ING3: variants seen among roughly 807,000 people sequenced by gnomAD.
ING3 encodes the protein inhibitor of growth protein 3.
Under a neutral mutation model 64.8 loss-of-function variants are expected in ING3, and 6 were observed. That is an observed-to-expected ratio of 0.09 (90% CI 0.05 to 0.18). ING3 has a LOEUF of 0.18. Among genes scored for constraint, ING3 ranks in the 10% least tolerant of loss-of-function variants. The pLI is 1.00. For synonymous variants in ING3, 170 were observed against 173.7 expected, an observed-to-expected ratio of 0.98 and a Z score of 0.17; for missense variants, 310 against 489.7, an observed-to-expected ratio of 0.63 and a Z score of 3.46.
intron 10 of ING3, among the ~76,000 whole-genome samples, chr7:120,971,347 T>C (rs1230311466): frequency 1.3e-5 from 2 of 152,092 alleles, no homozygotes; most frequent in Admixed American, 6.5e-5. Context: ...TCTTTTCTTA[T>C]AAGGGCACCA....
At chr7:120,970,337 C>T (rs760298199) in intron 9 of ING3, among the ~76,000 whole-genome samples, 114 of 151,664 alleles carry the variant, frequency 7.5e-4, no homozygotes, top group Non-Finnish European at 1.3e-3. Flanking sequence ...TGGTGGCGGG[C>T]GCCTGTAGTC....
At chr7:120,956,400 A>G (rs1774350722) in intron 4 of ING3, 2 of 1,291,692 alleles carry the variant, frequency 1.5e-6, no homozygotes, top group East Asian at 3.5e-5. Context: ...GTACAGATTT[A>G]TTACTGAACA....
At chr7:120,973,979 A>C (rs1465438282) in intron 11 of ING3, among the ~76,000 whole-genome samples, 1 of 152,208 alleles carries the variant, frequency 6.6e-6, no homozygotes, top group Non-Finnish European at 1.5e-5. Flanking sequence ...TTACAGCAAC[A>C]TGCTCACGTA....
At chr7:120,966,014 A>G (rs1795992188) in intron 5 of ING3, among the ~76,000 whole-genome samples, 2 of 152,186 alleles carry the variant, frequency 1.3e-5, no homozygotes, top group African/African-American at 2.4e-5. Context: ...GGATCAAGTT[A>G]TAAAAACTGC....
intron 10 of ING3, 130 bp from the exon 11 acceptor site, chr7:120,973,075 G>T: frequency 1.0e-4 from 37 of 361,110 alleles, no homozygotes; most frequent in East Asian, 8.1e-4. Flanking sequence ...ATTATACCTT[G>T]ATTCTCAATG....
At chr7:120,970,941 T>TTC in intron 10 of ING3, 61 bp downstream of exon 10, 1 of 1,406,212 alleles carries the variant, frequency 7.1e-7, no homozygotes. Flanking sequence ...AGAGAACTAT[T>TTC]TCATTTTTAA....
intron 6 of ING3, 91 bp downstream of exon 6, chr7:120,966,788 A>G: frequency 1.1e-6 from 1 of 906,422 alleles, no homozygotes; most frequent in Non-Finnish European, 1.8e-6. Context: ...CTACACAACC[A>G]ATTGAGAAAT....
At chr7:120,973,310 C>A in intron 11 of ING3, 67 bp downstream of exon 11, 1 of 1,053,304 alleles carries the variant, frequency 9.5e-7, no homozygotes, top group South Asian at 1.3e-5. Context: ...GAATATTTGT[C>A]TTATTTGCTG....
intron 4 of ING3, among the ~76,000 whole-genome samples, chr7:120,963,261 T>C (rs1232926417): frequency 1.3e-5 from 2 of 152,110 alleles, no homozygotes; most frequent in African/African-American, 4.8e-5. Flanking sequence ...GTTATAGGTT[T>C]TTAAATATTC....
At chr7:120,958,213 T>A (rs1340376033) in intron 4 of ING3, among the ~76,000 whole-genome samples, 5 of 152,136 alleles carry the variant, frequency 3.3e-5, no homozygotes. Flanking sequence ...ATTATTTTTT[T>A]TCTTTTTCCC....
chr7:120,959,630 ATTTTTTTTTTTTT>A (rs397889009), intron 4 of ING3, among the ~76,000 whole-genome samples: 17 of 55,700 alleles, frequency 3.1e-4, no homozygotes, highest in African/African-American at 5.8e-4. Context: ...ACTTCCTCAC[ATTTTTTTTTTTTT>A]TTTTTTTTTT....
At chr7:120,957,952 A>G (rs1795875468) in intron 4 of ING3, among the ~76,000 whole-genome samples, 1 of 152,220 alleles carries the variant, frequency 6.6e-6, no homozygotes, top group African/African-American at 2.4e-5. Context: ...GGTTTGCATT[A>G]GAATACATAC....
intron 2 of ING3, 57 bp downstream of exon 2, chr7:120,951,292 T>G: frequency 6.7e-7 from 1 of 1,486,412 alleles, no homozygotes; most frequent in Non-Finnish European, 9.4e-7. Context: ...CCAGACTTGC[T>G]TGTCATCACT....
In ING3 at chr7:120,951,065, G is replaced by T. The variant is rs996525599; in HGVS notation, c.29-99G>T. The T allele has an allele frequency of 6.6e-6, 10 of 1,521,800 alleles. No homozygotes were observed. The African/African-American group carries it at 8.2e-5, about 13-fold the overall frequency. The allele number at this position is 1,521,800 out of a possible 1,614,324, so 94.3% of individuals were successfully genotyped here. On this transcript the variant is annotated intron_variant, in intron 1 of 11. Coordinates refer to ENST00000315870, the MANE Select transcript of ING3 (RefSeq NM_019071.3). ...ACGGTAACTGGCAGCCTCGTTGTGG[G>T]CTGCCGGCCCCCTCGACCCCCCTGA...
At position 120,967,548 on chromosome 7, in the gene ING3, T is replaced by C. The variant is rs1218144410; in HGVS notation, c.456T>C (p.Thr152=). The C allele has an allele frequency of 1.3e-6, 2 of 1,566,862 alleles. No individual in the cohort carries two copies. The highest frequency in any genetic ancestry group is 1.7e-6 in the Non-Finnish European group (2 of 1,145,876). Residue 152 remains threonine, a synonymous_variant, in exon 7 of 12, where the codon ACT becomes ACC. Transcript: ENST00000315870. Reference sequence around the variant, plus strand: ...ATTTAGAAAGGAAATATAATCCAACTTCTCACCATACGACAACAGATCATA... The same window carrying C: ...ATTTAGAAAGGAAATATAATCCAACCTCTCACCATACGACAACAGATCATA... ...TPVEKRKYNP[T]SHHTTTDHIP... is the part of the protein sequence containing the mutation.
intron 4 of ING3, among the ~76,000 whole-genome samples, chr7:120,959,630 A>ATTTTTTTTTTTTTT (rs397889009): frequency 5.4e-5 from 3 of 55,676 alleles, no homozygotes; most frequent in African/African-American, 2.2e-4. Flanking sequence ...ACTTCCTCAC[A>ATTTTTTTTTTTTTT]TTTTTTTTTT....
intron 5 of ING3, 65 bp from the exon 6 acceptor site, chr7:120,966,561 A>C: frequency 8.4e-7 from 1 of 1,195,538 alleles, no homozygotes; most frequent in Non-Finnish European, 1.3e-6. Context: ...CCTGTAGTTG[A>C]GTGACATGTG....
At chr7:120,956,731 C>T (rs1795853856) in intron 4 of ING3, 1 of 976,968 alleles carries the variant, frequency 1.0e-6, no homozygotes, top group Admixed American at 6.2e-5. Context: ...TTAATTATGT[C>T]TATAAACTTA....
chr7:120,950,989 CGGGCAGCGAGATGGCGGGAGGGAGG>C, intron 1 of ING3, 65 bp downstream of exon 1: 1 of 834,854 alleles, frequency 1.2e-6, no homozygotes, highest in Non-Finnish European at 1.9e-6. Context: ...CGCGAGTGGA[CGGGCAGCGAGATGGCGGGAGGGAGG>C]GGGCGGCGGG....
Sources: allele counts gnomAD v4.1 joint callset (sites outside exome capture counted in the v4.1 genomes callset), GRCh38; gene constraint gnomAD v4.1.1; transcripts MANE v1.5; gene names NCBI Gene and HGNC (gene_info 2026-07-23, HGNC 2026-07-21).